Variants in F13B observed in about 807,000 individuals in gnomAD.
F13B encodes the protein TGase.
A neutral mutation model predicts 79.8 loss-of-function variants in F13B; 58 were observed. The ratio of observed to expected loss-of-function variants is 0.73; its 90% CI spans 0.59 to 0.90. The LOEUF is 0.90. F13B is among the 40% of genes least tolerant of loss of function. The pLI is 0.00. For synonymous variants in F13B, 283 were observed against 260.3 expected (o/e 1.09, Z -0.84); for missense variants, 773 against 777.0 (o/e 0.99, Z 0.06).
chr1:197,040,412 T>G, intron 11 of F13B, 110 bp downstream of exon 11: 1 of 716,064 alleles, frequency 1.4e-6, no homozygotes, highest in Non-Finnish European at 2.4e-6. Flanking sequence ...TATTATTTTT[T>G]CTTTGCAATT....
intron 10 of F13B, among the ~76,000 whole-genome samples, chr1:197,050,080 T>C (rs1655389673): frequency 6.6e-6 from 1 of 152,102 alleles, no homozygotes; most frequent in South Asian, 2.1e-4. Flanking sequence ...TTATCAAAGG[T>C]TTTACTTATG....
At chr1:197,060,846 A>G (rs757697474) in intron 4 of F13B, 53 bp downstream of exon 4, 13 of 1,516,584 alleles carry the variant, frequency 8.6e-6, no homozygotes, top group Non-Finnish European at 8.2e-6. Context: ...ACACTTCTCT[A>G]TGAGAAAAAG....
intron 10 of F13B, among the ~76,000 whole-genome samples, chr1:197,049,484 A>C (rs559111980): frequency 1.4e-4 from 22 of 152,186 alleles, no homozygotes; most frequent in African/African-American, 5.1e-4. Flanking sequence ...TTGACAATGT[A>C]GTTGTAATGA....
chr1:197,063,332 T>C (rs1025191527), intron 1 of F13B, among the ~76,000 whole-genome samples: 1 of 152,128 alleles, frequency 6.6e-6, no homozygotes, highest in Admixed American at 6.6e-5. Context: ...AGTACTTTTT[T>C]TTTTCTTCCT....
At position 197,063,075 on chromosome 1, in the gene F13B, C is replaced by A; in HGVS notation, c.65-18G>T. On this transcript the variant is annotated intron_variant, in intron 1 of 11. Coordinates refer to ENST00000367412, the MANE Select transcript of F13B (RefSeq NM_001994.3). ...GGGTTTCTCTGAAATGAGTAAATGT[C>A]AAGCTGAAAATGGAAAAACAAATCT... is the stretch of plus-strand genomic sequence containing the variant. 1.9e-6 allele frequency: 3 copies of A among 1,600,354 alleles called. No homozygotes were observed. In the South Asian group the frequency reaches 3.3e-5, roughly 18 times the overall value.
chr1:197,050,958 GTCTCC>G, intron 9 of F13B, 79 bp from the exon 10 acceptor site: 2 of 1,204,556 alleles, frequency 1.7e-6, no homozygotes, highest in Non-Finnish European at 2.4e-6. Flanking sequence ...CAGAGACAGA[GTCTCC>G]CTCTGTCACC....
intron 5 of F13B, 55 bp from the exon 6 acceptor site, chr1:197,057,520 A>C: frequency 2.0e-6 from 3 of 1,525,852 alleles, no homozygotes; most frequent in Non-Finnish European, 2.7e-6. Context: ...AAAATAATAA[A>C]GATTAAATTA....
intron 9 of F13B, among the ~76,000 whole-genome samples, chr1:197,052,249 A>C (rs546591336): frequency 6.6e-6 from 1 of 152,220 alleles, no homozygotes; most frequent in Admixed American, 6.6e-5. Flanking sequence ...TCAGAATGGC[A>C]ATTACTAAAA....
intron 1 of F13B, among the ~76,000 whole-genome samples, chr1:197,066,525 G>A (rs550995451): frequency 5.9e-5 from 9 of 152,210 alleles, no homozygotes; most frequent in South Asian, 4.1e-4. Flanking sequence ...CTAATAGGGA[G>A]TCCATAGGTA....
intron 8 of F13B, 64 bp from the exon 9 acceptor site, chr1:197,052,898 T>C: frequency 6.8e-6 from 9 of 1,326,062 alleles, no homozygotes; most frequent in Non-Finnish European, 9.6e-6. Flanking sequence ...TGATATTTTT[T>C]AAAACAAAAA....
rs924881574 is a variant in F13B at position 197,061,016 on chromosome 1, T to G, written c.511A>C (p.Lys171Gln). The change falls in exon 4 of 12, where the codon AAA (lysine) becomes CAA (glutamine). Residue 171 changes from lysine to glutamine, a missense_variant. Lys to Gln is a moderately conservative substitution (Grantham distance 53). Coordinates refer to ENST00000367412, the MANE Select transcript of F13B (RefSeq NM_001994.3). ...TCGTATTGTACTTTGTCCTTCACTT[T>G]GAATGTTTTCTGTGTTGTGGAATAA... ...GNYSTTQKTFKVKDKVQYECA... is the reference protein window; with the variant it reads ...GNYSTTQKTFQVKDKVQYECA... The G allele has an allele frequency of 5.6e-6, 9 of 1,607,158 alleles. No homozygotes were observed. Among genetic ancestry groups the G allele is most frequent in the East Asian group, 4.5e-5 (2 of 44,766 alleles).
intron 1 of F13B, among the ~76,000 whole-genome samples, chr1:197,065,281 G>A (rs892797201): frequency 2.6e-5 from 4 of 152,072 alleles, no homozygotes; most frequent in Non-Finnish European, 4.4e-5. Flanking sequence ...TCCACCACCA[G>A]GATAGGCACA....
In F13B at chr1:197,057,429, A is replaced by G. The variant is rs1321071747; in HGVS notation, c.842T>C (p.Ile281Thr). The change falls in exon 6 of 12, where the codon ATA (isoleucine) becomes ACA (threonine). Residue 281 changes from isoleucine to threonine, a missense_variant. By Grantham distance (89) the Ile-to-Thr change is moderately conservative. Coordinates refer to ENST00000367412, the MANE Select transcript of F13B (RefSeq NM_001994.3). ...RNRCPPPPLP[I>T]NSKIQTHSTT... ...TGAATGTGTTTGAATTTTGGAGTTT[A>G]TGGGCAGAGGTGGAGGAGGACATCT... The G allele has an allele frequency of 6.2e-7, 1 of 1,613,928 alleles. No homozygotes were observed. The highest frequency in any genetic ancestry group is 8.5e-7 in the Non-Finnish European group (1 of 1,179,878).
In F13B at chr1:197,057,338, T is replaced by G; in HGVS notation, c.933A>C (p.Ser311=). 2 of 1,614,002 alleles carry G rather than the reference T, an allele frequency of 1.2e-6. No individual in the cohort carries two copies. The highest frequency in any genetic ancestry group is 2.2e-5 in the East Asian group (1 of 44,862). Residue 311 remains serine (S), a synonymous_variant, in exon 6 of 12, where the codon TCA becomes TCC. Coordinates refer to ENST00000367412, the MANE Select transcript of F13B (RefSeq NM_001994.3). ...TTCCATCTTCACAACGTATTTCTGC[T>G]GACCCATGGATCTCAAAATTAAGTT... The part of the protein sequence containing the change: ...ECELNFEIHG[S]AEIRCEDGKW...
rs535649658 is a variant in F13B at position 197,060,568 on chromosome 1, T to G, written c.629-26A>C. On this transcript the variant is annotated intron_variant, in intron 4 of 11. Transcript: ENST00000367412. ...CTGCAAATAAAAGAATGAATAAAATTACAAACAAATGTTTATTTTTTCTGC... is the reference window on the plus strand; with the variant it reads ...CTGCAAATAAAAGAATGAATAAAATGACAAACAAATGTTTATTTTTTCTGC... The G allele has an allele frequency of 2.6e-5, 38 of 1,463,574 alleles. No homozygotes were observed. The South Asian group carries it at 4.3e-4, about 16-fold the overall frequency. The allele number at this position is 1,463,574 out of a possible 1,614,324, so 90.7% of individuals were successfully genotyped here. A position where few individuals can be genotyped will look rare whatever the true frequency, so the allele number is the denominator to read the frequency against.
intron 1 of F13B, among the ~76,000 whole-genome samples, chr1:197,065,582 A>G (rs1656019060): frequency 6.6e-6 from 1 of 152,154 alleles, no homozygotes; most frequent in South Asian, 2.1e-4. Flanking sequence ...CCTCTCTCAG[A>G]GATGATATAC....
chr1:197,045,900 C>T (rs914772047), intron 10 of F13B, among the ~76,000 whole-genome samples: 1 of 152,074 alleles, frequency 6.6e-6, no homozygotes, highest in African/African-American at 2.4e-5. Flanking sequence ...ATAAACAGGA[C>T]CAATGACAAA....
At chr1:197,044,064 T>G (rs904378946) in intron 10 of F13B, among the ~76,000 whole-genome samples, 14 of 151,316 alleles carry the variant, frequency 9.3e-5, no homozygotes, top group African/African-American at 1.9e-4. Context: ...TATTTATATA[T>G]ATATAGAGAG....
intron 5 of F13B, among the ~76,000 whole-genome samples, chr1:197,060,005 A>C (rs1655794322): frequency 6.6e-6 from 1 of 152,118 alleles, no homozygotes; most frequent in Non-Finnish European, 1.5e-5. Context: ...TACATCTGGA[A>C]ATATGTGGCA....
Sources: gnomAD v4.1 joint callset for allele counts (sites outside exome capture counted in the v4.1 genomes callset) on GRCh38, gnomAD v4.1.1 for gene constraint, MANE v1.5 for transcripts, NCBI Gene and HGNC (gene_info 2026-07-23, HGNC 2026-07-21) for gene names.